Variants in DIP2A observed in about 807,000 individuals in gnomAD.
DIP2A encodes the protein disco-interacting protein 2 homolog A.
In DIP2A, 85 loss-of-function variants were observed where a neutral mutation model predicts 177.4. The ratio of observed to expected loss-of-function variants is 0.48; its 90% CI spans 0.40 to 0.57. DIP2A has a LOEUF of 0.57. DIP2A is among the 20% of genes least tolerant of loss of function. The pLI is 0.00. For missense variants in DIP2A, 1,791 were observed against 2,100.2 expected (o/e 0.85, Z 2.88); for synonymous variants, 886 against 881.8 (o/e 1.00, Z -0.08).
At position 46,556,764 on chromosome 21, in the gene DIP2A, G is replaced by A; in HGVS notation, c.3499-175G>A. 1.8e-6 allele frequency: 1 copy of A among 561,580 alleles called. No individual in the cohort carries two copies. Among genetic ancestry groups the A allele is most frequent in the Non-Finnish European group, 3.0e-6 (1 of 330,138 alleles). The allele number at this position is 561,580 out of a possible 1,614,324, so 34.8% of individuals were successfully genotyped here. On this transcript the variant is annotated intron_variant, in intron 29 of 37. Coordinates refer to ENST00000417564, the MANE Select transcript of DIP2A (RefSeq NM_015151.4). The surrounding 1 kb of genome is among the most constrained non-coding windows in gnomAD (Gnocchi z 4.5). ...AAGATTTTTAGTGTACCATTTCTTG[G>A]GTATTATTTAGGTTATATGGGGATT...
At chr21:46,555,313 GC>G (rs1661240572) in intron 28 of DIP2A, among the ~76,000 whole-genome samples, 1 of 152,246 alleles carries the variant, frequency 6.6e-6, no homozygotes, top group South Asian at 2.1e-4. Flanking sequence ...ATGCTGTCAT[GC>G]CCCATGAAAT....
chr21:46,557,175 GAT>G lies in DIP2A; in HGVS notation c.3629+107_3629+108del. On this transcript the variant is annotated intron_variant, in intron 30 of 37. Coordinates refer to ENST00000417564, the MANE Select transcript of DIP2A (RefSeq NM_015151.4). The surrounding 1 kb of genome is among the most constrained non-coding windows in gnomAD (Gnocchi z 6.0). ...TTCTGGGTGCTCAGGAAGCCGATGA[GAT>G]GTGTGTGAGTGGGTTTGTTTGGGGA... is the stretch of plus-strand genomic sequence containing the variant. 1 of 1,329,834 alleles carries G rather than the reference GAT, an allele frequency of 7.5e-7. No individual in the cohort carries two copies. Among genetic ancestry groups the G allele is most frequent in the African/African-American group, 1.5e-5 (1 of 67,890 alleles). The allele number at this position is 1,329,834 out of a possible 1,614,324, so 82.4% of individuals were successfully genotyped here.
At chr21:46,554,786 G>GGGGGGGGCCCCCCCCCCCCCCCCCCCC in intron 27 of DIP2A, 36 bp from the exon 28 acceptor site, 1 of 1,519,126 alleles carries the variant, frequency 6.6e-7, no homozygotes, top group Non-Finnish European at 8.8e-7. Flanking sequence ...AGCTTGAGAG[G>GGGGGGGGCCCCCCCCCCCCCCCCCCCC]CCCCGCCCAC....
downstream of DIP2A, among the ~76,000 whole-genome samples, chr21:46,571,158 A>G (rs1185081124): frequency 1.3e-5 from 2 of 152,200 alleles, no homozygotes; most frequent in Non-Finnish European, 2.9e-5. Context: ...AAGCCTTCTT[A>G]TGAACTAACT....
intron 18 of DIP2A, 101 bp from the exon 19 acceptor site, chr21:46,545,029 TATATAAC>T (rs1481506861): frequency 1.8e-6 from 2 of 1,093,802 alleles, no homozygotes; most frequent in Non-Finnish European, 2.6e-6. Flanking sequence ...AGGTGCTGTG[TATATAAC>T]ATCCTGTTTC....
intron 36 of DIP2A, 53 bp from the exon 37 acceptor site, chr21:46,566,507 A>G (rs1003002485): frequency 6.2e-7 from 1 of 1,611,578 alleles, no homozygotes; most frequent in Non-Finnish European, 8.5e-7. Flanking sequence ...ACGAATGTCC[A>G]GACTCTGCAT....
chr21:46,546,653 A>G (rs1423571729), intron 20 of DIP2A, among the ~76,000 whole-genome samples: 2 of 152,016 alleles, frequency 1.3e-5, no homozygotes, highest in African/African-American at 4.8e-5. Context: ...TTTCTTTCAC[A>G]TAGCCTGCCC....
chr21:46,567,702 T>G lies in DIP2A; in HGVS notation c.*80T>G, dbSNP rs1256608844. On this transcript the variant is annotated 3_prime_UTR_variant, in exon 38 of 38. Transcript: ENST00000417564. Reference sequence around the variant, plus strand: ...GTGATGTGGGAAGACACCGCAGAGCTCACTCACCGGGACTCGCCCTTCCTG... The same window carrying G: ...GTGATGTGGGAAGACACCGCAGAGCGCACTCACCGGGACTCGCCCTTCCTG... 9.3e-6 allele frequency: 14 copies of G among 1,500,566 alleles called. No homozygotes were observed. Among genetic ancestry groups the G allele is most frequent in the Non-Finnish European group, 1.2e-5 (14 of 1,124,268 alleles). 93.0% of individuals were successfully genotyped at this position (1,500,566 alleles called of 1,614,324 possible).
chr21:46,473,688 G>A (rs897022266), intron 1 of DIP2A, among the ~76,000 whole-genome samples: 2 of 151,982 alleles, frequency 1.3e-5, no homozygotes, highest in Non-Finnish European at 1.5e-5. Context: ...GCTAATTTTT[G>A]TATTTTTAGT....
At chr21:46,579,537 G>A in the DIP2A span, among the ~76,000 whole-genome samples, 2 of 152,052 alleles carry the variant, frequency 1.3e-5, no homozygotes, top group African/African-American at 2.4e-5. Context: ...TCTTTTAGTT[G>A]TGATGTTAGG....
intron 8 of DIP2A, among the ~76,000 whole-genome samples, chr21:46,528,102 T>G (rs370303176): frequency 6.6e-6 from 1 of 152,156 alleles, no homozygotes; most frequent in East Asian, 1.9e-4. Context: ...CCTGATGGCT[T>G]TCCAAGTAAA....
intron 34 of DIP2A, among the ~76,000 whole-genome samples, chr21:46,562,753 A>G (rs989325091): frequency 6.6e-6 from 1 of 152,152 alleles, no homozygotes; most frequent in African/African-American, 2.4e-5. Context: ...CCCCTGTTAC[A>G]GTCACTTCAG....
chr21:46,555,052 G>C (rs2060414597), intron 28 of DIP2A, 119 bp downstream of exon 28: 2 of 1,072,472 alleles, frequency 1.9e-6, no homozygotes, highest in Non-Finnish European at 2.7e-6. Flanking sequence ...GCAGGAGCCT[G>C]GCTGACAGCA....
At chr21:46,490,794 G>C in intron 3 of DIP2A, 75 bp downstream of exon 3, 1 of 1,454,668 alleles carries the variant, frequency 6.9e-7, no homozygotes, top group Non-Finnish European at 9.1e-7. Flanking sequence ...AAGTCTTCCA[G>C]TTATTTTTCC....
chr21:46,474,916 C>T (rs7278379), intron 1 of DIP2A, among the ~76,000 whole-genome samples: 18,521 of 152,154 alleles, frequency 0.12, 1,921 homozygotes, highest in African/African-American at 0.28. Flanking sequence ...AGTGCATCCT[C>T]TGAACAAAGT....
At position 46,557,688 on chromosome 21, in the gene DIP2A, T is replaced by A; in HGVS notation, c.3733T>A (p.Phe1245Ile). Residue 1245 changes from phenylalanine to isoleucine, a missense_variant, in exon 31 of 38, where the codon TTC becomes ATC. Physicochemically the swap from Phe to Ile is conservative, Grantham distance 21. Coordinates refer to ENST00000417564, the MANE Select transcript of DIP2A (RefSeq NM_015151.4). The surrounding 1 kb of genome is among the most constrained non-coding windows in gnomAD (Gnocchi z 6.0). The stretch of plus-strand genomic sequence containing the variant: ...CAGCCAGTACAAGGCCCGCGTCACC[T>A]TCTGCTCCTACTCTGTGATGGAGAT... ...AVSQYKARVTFCSYSVMEMCT... is the reference protein window; with the variant it reads ...AVSQYKARVTICSYSVMEMCT... 1 of 1,613,642 alleles carries A rather than the reference T, an allele frequency of 6.2e-7. No individual in the cohort carries two copies.
In DIP2A at chr21:46,546,945, G is replaced by A; in HGVS notation, c.2425G>A (p.Asp809Asn). ...DNLVFIVGKLDGLMVTGVRRH... is the reference protein window; with the variant it reads ...DNLVFIVGKLNGLMVTGVRRH... ...CCTGGTCTTCATCGTGGGCAAACTG[G>A]ACGGGCTGATGGTCACTGGAGTTCG... The change falls in exon 21 of 38, where the codon GAC (aspartate) becomes AAC (asparagine). Residue 809 changes from aspartate to asparagine, a missense_variant. Transcript: ENST00000417564. 1.9e-6 allele frequency: 3 copies of A among 1,613,942 alleles called. No individual in the cohort carries two copies. The highest frequency in any genetic ancestry group is 2.5e-6 in the Non-Finnish European group (3 of 1,179,878).
At chr21:46,459,602 A>C (rs1601262529) in intron 1 of DIP2A, among the ~76,000 whole-genome samples, 1 of 40,522 alleles carries the variant, frequency 2.5e-5, no homozygotes, top group Admixed American at 3.3e-4. Context: ...CCCGCCCTTC[A>C]CCCTGGGAGC....
In DIP2A at chr21:46,551,693, G is replaced by A. The variant is rs1052000330; in HGVS notation, c.2899G>A (p.Ala967Thr). 3.7e-6 allele frequency: 6 copies of A among 1,613,984 alleles called. No homozygotes were observed. The African/African-American group carries it at 6.7e-5, about 18-fold the overall frequency. ...GGTTGCTGGGAAGAGAATCGCTCAG[G>A]CTTCCGGGAGAGAGCTCGCCCACCT... ...NLVAGKRIAQ[A>T]SGRELAHLED... is the part of the protein sequence containing the mutation. Residue 967 changes from alanine to threonine, a missense_variant, in exon 24 of 38, where the codon GCT becomes ACT. By Grantham distance (58) the Ala-to-Thr change is moderately conservative (BLOSUM62 0). Transcript: ENST00000417564.
Sources: gnomAD v4.1 joint callset for allele counts (sites outside exome capture counted in the v4.1 genomes callset) on GRCh38, gnomAD v4.1.1 for gene constraint, Gnocchi (gnomAD v3.1) non-coding constraint, MANE v1.5 for transcripts, NCBI Gene and HGNC (gene_info 2026-07-23, HGNC 2026-07-21) for gene names.